The following SGIP1 variants were observed in gnomAD, a reference collection of about 807,000 sequenced individuals.
SGIP1 encodes SH3-containing GRB2-like protein 3-interacting protein 1.
SGIP1 carries 38 observed loss-of-function variants against 107.5 expected under a neutral mutation model. The observed-to-expected ratio is 0.35, with a 90% CI of 0.27 to 0.46. The LOEUF is 0.46. SGIP1 is among the 20% of genes least tolerant of loss of function. The probability of loss-of-function intolerance (pLI) is 1.00; values close to 1 mark genes in which losing one functional copy is unlikely to be tolerated. For synonymous variants in SGIP1, 365 were observed against 366.1 expected (o/e 1.00, Z 0.03); for missense variants, 929 against 1,019.5 (o/e 0.91, Z 1.21).
At position 66,534,295 on chromosome 1, in the gene SGIP1, T is replaced by C; in HGVS notation, c.-64T>C. ...GCGTGGTGAGGACTTAGCTGGGACC[T>C]GGAATCGTATCCTCCTGTGTTTTTT... On this transcript the variant is annotated 5_prime_UTR_variant, in exon 1 of 25. Transcript: ENST00000371037. The C allele has an allele frequency of 1.9e-6, 3 of 1,587,710 alleles. No homozygotes were observed. Among genetic ancestry groups the C allele is most frequent in the African/African-American group, 1.3e-5 (1 of 74,506 alleles).
Position 66,719,969 on chromosome 1 carries a change from A to G in SGIP1, c.1742+564A>G, listed in dbSNP as rs1339237045. Among the ~76,000 whole-genome samples, 9 of 152,320 alleles carry G rather than the reference A, an allele frequency of 5.9e-5. No individual in the cohort carries two copies. In the East Asian group the frequency reaches 1.5e-3, roughly 26 times the overall value. On this transcript the variant is annotated intron_variant, in intron 19 of 24. Transcript: ENST00000371037. Reference sequence around the variant, plus strand: ...GAAAGAAAAAATTATAACAGAGCAAAGTAAAAATTCTAGGGAAAATTCACC... The same window carrying G: ...GAAAGAAAAAATTATAACAGAGCAAGGTAAAAATTCTAGGGAAAATTCACC...
intron 21 of SGIP1, 38 bp downstream of exon 21, chr1:66,733,918 A>C: frequency 6.3e-7 from 1 of 1,581,294 alleles, no homozygotes; most frequent in Non-Finnish European, 8.6e-7. Context: ...CTTCCACATG[A>C]CATATTTGTT....
At chr1:66,587,738 T>C (rs1449440127) in intron 1 of SGIP1, among the ~76,000 whole-genome samples, 1 of 152,118 alleles carries the variant, frequency 6.6e-6, no homozygotes, top group Non-Finnish European at 1.5e-5. Flanking sequence ...AAAGATCCTA[T>C]TTAATTAACC....
At chr1:66,682,515 A>G (rs1271851167) in intron 15 of SGIP1, 146 bp downstream of exon 15, 4 of 982,196 alleles carry the variant, frequency 4.1e-6, no homozygotes, top group Non-Finnish European at 4.6e-6. Flanking sequence ...GCCCCACAGC[A>G]TGTCCTAGTC....
At chr1:66,586,616 A>G (rs752197383) in intron 1 of SGIP1, among the ~76,000 whole-genome samples, 6 of 152,204 alleles carry the variant, frequency 3.9e-5, no homozygotes, top group Non-Finnish European at 4.4e-5. Context: ...ATCCTTCCCA[A>G]TTTGTGATAC....
intron 7 of SGIP1, among the ~76,000 whole-genome samples, chr1:66,656,816 C>T (rs971867444): frequency 6.6e-5 from 10 of 152,078 alleles, no homozygotes; most frequent in Non-Finnish European, 1.5e-4. Flanking sequence ...AATACCCAAC[C>T]AGTCGTAAAT....
chr1:66,585,518 CT>C (rs2062461939), intron 1 of SGIP1, among the ~76,000 whole-genome samples: 1 of 151,742 alleles, frequency 6.6e-6, no homozygotes, highest in African/African-American at 2.4e-5. Context: ...TCTTTAAGCC[CT>C]CCCACTATGG....
In SGIP1 at chr1:66,654,452, T is replaced by A. The variant is rs561231820; in HGVS notation, c.460-6061T>A. ...TCAACCTTGAGGGTCACTTTATCAA[T>A]GATTATCTTTCTTGTACAATTATAC... On this transcript the variant is annotated intron_variant, in intron 7 of 24. Coordinates refer to ENST00000371037, the MANE Select transcript of SGIP1 (RefSeq NM_032291.4). Among the ~76,000 whole-genome samples the A allele has an allele frequency of 1.7e-3, 262 of 152,278 alleles. 1 individual carries two copies. Among genetic ancestry groups the A allele is most frequent in the African/African-American group, 6.0e-3 (250 of 41,562 alleles).
At chr1:66,599,267 T>C (rs2065294451) in intron 1 of SGIP1, among the ~76,000 whole-genome samples, 1 of 152,188 alleles carries the variant, frequency 6.6e-6, no homozygotes. Context: ...TCCTAGGGCA[T>C]AGGGGAGCAT....
At chr1:66,684,879 C>A (rs1388249163) in intron 15 of SGIP1, among the ~76,000 whole-genome samples, 1 of 152,130 alleles carries the variant, frequency 6.6e-6, no homozygotes, top group East Asian at 1.9e-4. Flanking sequence ...AGTAAAGACT[C>A]TTGATTCTTC....
At chr1:66,592,537 CTCTT>C (rs1373949598) in intron 1 of SGIP1, among the ~76,000 whole-genome samples, 1 of 152,208 alleles carries the variant, frequency 6.6e-6, no homozygotes, top group East Asian at 1.9e-4. Flanking sequence ...AGTCTGATCT[CTCTT>C]TCTTTTCCCC....
chr1:66,582,904 G>GAA (rs1024597412), intron 1 of SGIP1, among the ~76,000 whole-genome samples: 1 of 142,010 alleles, frequency 7.0e-6, no homozygotes, highest in Admixed American at 7.0e-5. Context: ...TGTATGCTAG[G>GAA]AAAAAAAAAA....
rs1011583985 is a variant in SGIP1, at chr1:66,736,152, A to G, written c.2031+2272A>G. On this transcript the variant is annotated intron_variant, in intron 21 of 24. Transcript: ENST00000371037. ...ATATAAAACCTATACAATCTATAAC[A>G]TATAAAATAACACATTATATTCATA... 4.7e-5 allele frequency among the ~76,000 whole-genome samples: 7 copies of G among 147,452 alleles called. No individual in the cohort carries two copies. In the South Asian group the frequency reaches 1.5e-3, roughly 31 times the overall value.
chr1:66,695,407 A>T, intron 17 of SGIP1, 27 bp from the exon 18 acceptor site: 1 of 1,613,810 alleles, frequency 6.2e-7, no homozygotes, highest in Non-Finnish European at 8.5e-7. Context: ...AACCCTTCCC[A>T]TCCCGCTTCA....
intron 1 of SGIP1, among the ~76,000 whole-genome samples, chr1:66,576,812 T>C (rs565779631): frequency 2.0e-5 from 3 of 152,306 alleles, no homozygotes; most frequent in Admixed American, 1.3e-4. Flanking sequence ...TAGCCATGTG[T>C]CATCTGAAGT....
intron 1 of SGIP1, among the ~76,000 whole-genome samples, chr1:66,592,563 C>T (rs1243849190): frequency 2.0e-5 from 3 of 152,170 alleles, no homozygotes; most frequent in African/African-American, 7.2e-5. Context: ...CGGAGTGATA[C>T]CTTTGTTACA....
chr1:66,552,079 G>A (rs537005429), intron 1 of SGIP1, among the ~76,000 whole-genome samples: 106 of 152,160 alleles, frequency 7.0e-4, no homozygotes, highest in African/African-American at 2.4e-3. Context: ...GAGTAGCAGA[G>A]CAGGATGGGA....
intron 7 of SGIP1, among the ~76,000 whole-genome samples, chr1:66,657,777 T>A (rs1002717191): frequency 3.0e-4 from 46 of 152,338 alleles, no homozygotes; most frequent in African/African-American, 1.1e-3. Context: ...AAATTTATGC[T>A]TTACTCCAAA....
At chr1:66,564,956 C>T (rs2059444859) in intron 1 of SGIP1, among the ~76,000 whole-genome samples, 1 of 151,914 alleles carries the variant, frequency 6.6e-6, no homozygotes, top group Non-Finnish European at 1.5e-5. Context: ...CCCTGTGGGG[C>T]TTATAATGAT....
Sources: gnomAD v4.1 joint callset for allele counts (sites outside exome capture counted in the v4.1 genomes callset) on GRCh38, gnomAD v4.1.1 for gene constraint, MANE v1.5 for transcripts, NCBI Gene and HGNC (gene_info 2026-07-23, HGNC 2026-07-21) for gene names.